Variants in FBXO11 observed in about 807,000 individuals in gnomAD.
FBXO11 encodes the protein F-box only protein 11.
FBXO11 carries 13 observed loss-of-function variants against 117.0 expected under a neutral mutation model. The ratio of observed to expected loss-of-function variants is 0.11; its 90% CI spans 0.07 to 0.18. The LOEUF is 0.18. FBXO11 is among the 10% of genes least tolerant of loss of function. The pLI, the probability that FBXO11 is intolerant of heterozygous loss-of-function variation, is 1.00. For synonymous variants in FBXO11, 490 were observed against 380.5 expected, an observed-to-expected ratio of 1.29 and a Z score of -3.35; for missense variants, 767 against 1,164.4, an observed-to-expected ratio of 0.66 and a Z score of 4.97.
At chr2:47,813,563 C>T (rs1031394180) in intron 17 of FBXO11, among the ~76,000 whole-genome samples, 186 bp from the exon 18 acceptor site, 3 of 150,850 alleles carry the variant, frequency 2.0e-5, no homozygotes, top group African/African-American at 7.3e-5. Flanking sequence ...TCCCAAGTAG[C>T]TGGGAATACA....
intron 19 of FBXO11, 169 bp from the exon 20 acceptor site, chr2:47,809,876 CT>C (rs1670490412): frequency 3.6e-6 from 2 of 550,764 alleles, no homozygotes; most frequent in Non-Finnish European, 6.4e-6. Flanking sequence ...GTAACATTCA[CT>C]TATCAATGAC....
chr2:47,850,592 T>G (rs1210183374), intron 1 of FBXO11, among the ~76,000 whole-genome samples: 1 of 152,166 alleles, frequency 6.6e-6, no homozygotes, highest in Non-Finnish European at 1.5e-5. Context: ...TTAACAATAC[T>G]CTATATAGAA....
At chr2:47,830,309 G>A (rs574315714) in intron 11 of FBXO11, among the ~76,000 whole-genome samples, 2 of 152,014 alleles carry the variant, frequency 1.3e-5, no homozygotes, top group Non-Finnish European at 2.9e-5. Flanking sequence ...ACTCAGCTAA[G>A]TTAAAAGGCA....
chr2:47,880,665 A>G (rs984256094), intron 1 of FBXO11, among the ~76,000 whole-genome samples: 2 of 152,314 alleles, frequency 1.3e-5, no homozygotes, highest in African/African-American at 2.4e-5. Context: ...GTTATCTGAC[A>G]TATTGCTATT....
In FBXO11 at chr2:47,832,971, G is replaced by A. The variant is rs1672299444; in HGVS notation, c.1034C>T (p.Thr345Ile). 1 of 1,608,762 alleles carries A rather than the reference G, an allele frequency of 6.2e-7. No homozygotes were observed. The highest frequency in any genetic ancestry group is 1.3e-5 in the African/African-American group (1 of 74,776). Residue 345 changes from threonine to isoleucine, a missense_variant, in exon 8 of 23, where the codon ACA becomes ATA. By Grantham distance (89) the Thr-to-Ile change is moderately conservative. Coordinates refer to ENST00000403359, the MANE Select transcript of FBXO11 (RefSeq NM_001190274.2). ...AATCTTAACATGTCTTACCCTTATT[G>A]TCATATATCCAACATAAGCATCTTC... ...GSEDAYVGYMTIRFNPDDKSA... is the reference protein window; with the variant it reads ...GSEDAYVGYMIIRFNPDDKSA...
chr2:47,897,308 G>C (rs1163915120), intron 1 of FBXO11, among the ~76,000 whole-genome samples: 1 of 152,154 alleles, frequency 6.6e-6, no homozygotes, highest in South Asian at 2.1e-4. Flanking sequence ...ATCAGCAAAG[G>C]CTAAACTGAT....
At chr2:47,855,489 A>C (rs913543233) in intron 1 of FBXO11, among the ~76,000 whole-genome samples, 11 of 152,200 alleles carry the variant, frequency 7.2e-5, no homozygotes, top group Admixed American at 1.3e-4. Flanking sequence ...AACAGGATGG[A>C]CACCATCAGT....
In FBXO11 at chr2:47,808,086, C is replaced by T; in HGVS notation, c.*32G>A. 6.4e-7 allele frequency: 1 copy of T among 1,571,980 alleles called. No individual in the cohort carries two copies. Among genetic ancestry groups the T allele is most frequent in the South Asian group, 1.1e-5 (1 of 87,346 alleles). On this transcript the variant is annotated 3_prime_UTR_variant, in exon 23 of 23. Transcript: ENST00000403359. ...AAAAGTGTTTTAAGTTATGATGTTA[C>T]AATGGCAGGACTTTTTCTTTAGGGA...
chr2:47,823,331 T>C lies in FBXO11; in HGVS notation c.1428A>G (p.Arg476=). ...MGYFESCNIH[R]NRIAGFEVKA... is the part of the protein sequence containing the mutation. ...TTACTTCAAAGCCTGCTATCCTATT[T>C]CTGTGTATATTGCAACTTTCAAAGT... is the stretch of plus-strand genomic sequence containing the variant. Residue 476 remains arginine (R), a synonymous_variant, in exon 12 of 23, where the codon AGA becomes AGG. Transcript: ENST00000403359. 6.2e-7 allele frequency: 1 copy of C among 1,612,090 alleles called. No individual in the cohort carries two copies. The highest frequency in any genetic ancestry group is 2.2e-5 in the East Asian group (1 of 44,840).
At chr2:47,868,141 C>T (rs1424945265) in intron 1 of FBXO11, among the ~76,000 whole-genome samples, 5 of 151,958 alleles carry the variant, frequency 3.3e-5, no homozygotes, top group Admixed American at 6.6e-5. Context: ...CTGGATGGTC[C>T]GAAATGTATA....
chr2:47,862,047 G>A (rs1311597643), intron 1 of FBXO11, among the ~76,000 whole-genome samples: 1 of 151,858 alleles, frequency 6.6e-6, no homozygotes, highest in Non-Finnish European at 1.5e-5. Context: ...CGAGTGGCTG[G>A]GATTACGGGC....
chr2:47,869,958 T>G (rs1456891633), intron 1 of FBXO11, among the ~76,000 whole-genome samples: 3 of 152,118 alleles, frequency 2.0e-5, no homozygotes, highest in Admixed American at 2.0e-4. Context: ...ATTATAGGAG[T>G]GAGCCACCAA....
At chr2:47,874,046 C>T (rs1037990264) in intron 1 of FBXO11, among the ~76,000 whole-genome samples, 1 of 151,956 alleles carries the variant, frequency 6.6e-6, no homozygotes, top group African/African-American at 2.4e-5. Context: ...AACCCCGTCT[C>T]TACTAAAAAG....
At chr2:47,879,853 C>T (rs1352384282) in intron 1 of FBXO11, among the ~76,000 whole-genome samples, 9 of 152,156 alleles carry the variant, frequency 5.9e-5, no homozygotes, top group Non-Finnish European at 1.3e-4. Flanking sequence ...TGGGGTCATG[C>T]AGTATTTGTC....
Position 47,813,219 on chromosome 2 carries a change from A to T in FBXO11, c.2227+15T>A. ...AAAACTGGATTTTTCACTAATGCAA[A>T]ATTAACAACAATACCTCGACCCCCA... On this transcript the variant is annotated intron_variant, in intron 18 of 22. Transcript: ENST00000403359. 6.2e-7 allele frequency: 1 copy of T among 1,612,770 alleles called. No individual in the cohort carries two copies. Among genetic ancestry groups the T allele is most frequent in the South Asian group, 1.1e-5 (1 of 91,052 alleles).
At chr2:47,874,867 CTTTTTTT>C (rs377037169) in intron 1 of FBXO11, among the ~76,000 whole-genome samples, 4 of 128,884 alleles carry the variant, frequency 3.1e-5, no homozygotes, top group East Asian at 4.5e-4. Flanking sequence ...TGTCTCAGGA[CTTTTTTT>C]TTTTTTTTTT....
chr2:47,838,686 T>C (rs1217017398), intron 4 of FBXO11, among the ~76,000 whole-genome samples, 173 bp downstream of exon 4: 2 of 152,258 alleles, frequency 1.3e-5, no homozygotes, highest in Non-Finnish European at 2.9e-5. Context: ...TACTGATTTA[T>C]AAATACCACC....
At chr2:47,855,535 C>G (rs1377798692) in intron 1 of FBXO11, among the ~76,000 whole-genome samples, 1 of 152,092 alleles carries the variant, frequency 6.6e-6, no homozygotes, top group Admixed American at 6.6e-5. Flanking sequence ...CTGGAACACA[C>G]AAAAATAAAG....
chr2:47,867,279 C>G (rs951881362), intron 1 of FBXO11, among the ~76,000 whole-genome samples: 6 of 152,172 alleles, frequency 3.9e-5, no homozygotes, highest in Non-Finnish European at 7.4e-5. Flanking sequence ...GTGAAGAGCT[C>G]TGCTCCATAG....
Sources: gnomAD v4.1 joint callset for allele counts (sites outside exome capture counted in the v4.1 genomes callset) on GRCh38, gnomAD v4.1.1 for gene constraint, MANE v1.5 for transcripts, NCBI Gene and HGNC (gene_info 2026-07-23, HGNC 2026-07-21) for gene names.